HS6ST2: variants seen among roughly 807,000 people sequenced by gnomAD.
HS6ST2 encodes heparan sulfate 6-O-sulfotransferase 2.
A neutral mutation model predicts 33.0 loss-of-function variants in HS6ST2; 17 were observed. The ratio of observed to expected loss-of-function variants is 0.52; its 90% CI spans 0.35 to 0.77. The LOEUF is 0.77. Among genes scored for constraint, HS6ST2 ranks in the 30% least tolerant of loss-of-function variants. HS6ST2 has a pLI of 0.01. For missense variants in HS6ST2, 519 were observed against 551.7 expected (o/e 0.94, Z 0.59); for synonymous variants, 248 against 237.1 (o/e 1.05, Z -0.42).
intron 2 of HS6ST2, among the ~76,000 whole-genome samples, chrX:132,900,689 T>C (rs1386837616): frequency 9.0e-6 from 1 of 111,500 alleles, no homozygotes; most frequent in Non-Finnish European, 1.9e-5. Flanking sequence ...ATGAATAATA[T>C]ACCATCTAAA....
At chrX:132,948,914 A>C (rs2066982068) in intron 2 of HS6ST2, among the ~76,000 whole-genome samples, 1 of 111,945 alleles carries the variant, frequency 8.9e-6, no homozygotes, top group Non-Finnish European at 1.9e-5. Flanking sequence ...TGTCAAAACA[A>C]CTTGTACCTA....
intron 2 of HS6ST2, among the ~76,000 whole-genome samples, chrX:132,783,698 C>T (rs1311313802): frequency 9.0e-6 from 1 of 111,159 alleles, no homozygotes; most frequent in African/African-American, 3.3e-5. Context: ...ACTCTAGGAA[C>T]CCCTCCCTCA....
At chrX:132,785,803 C>A (rs757906807) in intron 2 of HS6ST2, among the ~76,000 whole-genome samples, 2 of 111,672 alleles carry the variant, frequency 1.8e-5, no homozygotes, top group South Asian at 7.6e-4. Context: ...TCATTCTCAT[C>A]CTTGCAATTA....
intron 4 of HS6ST2, among the ~76,000 whole-genome samples, chrX:132,636,857 C>G (rs1240645382): frequency 8.9e-6 from 1 of 112,046 alleles, no homozygotes; most frequent in African/African-American, 3.3e-5. Context: ...AACTACATAG[C>G]CAGGAACTGG....
At chrX:132,899,812 C>T (rs1602841215) in intron 2 of HS6ST2, among the ~76,000 whole-genome samples, 1 of 111,587 alleles carries the variant, frequency 9.0e-6, no homozygotes, top group East Asian at 2.8e-4. Context: ...TATCTAAGTA[C>T]TGAAAAAATG....
At chrX:132,831,815 A>G (rs1190313130) in intron 2 of HS6ST2, among the ~76,000 whole-genome samples, 1 of 112,249 alleles carries the variant, frequency 8.9e-6, no homozygotes, top group Non-Finnish European at 1.9e-5. Context: ...CCAAAGTAGA[A>G]CAAGGCAGCT....
chrX:132,931,277 C>T, intron 2 of HS6ST2, among the ~76,000 whole-genome samples: 1 of 111,361 alleles, frequency 9.0e-6, no homozygotes, highest in Non-Finnish European at 1.9e-5. Context: ...AGCTATGTAT[C>T]TCCCCAGGAG....
chrX:132,854,066 C>T (rs890924914), intron 2 of HS6ST2, among the ~76,000 whole-genome samples: 13 of 110,938 alleles, frequency 1.2e-4, no homozygotes, highest in Non-Finnish European at 2.5e-4. Flanking sequence ...ACAAATACCC[C>T]AAAACCATAT....
chrX:132,855,503 ATATT>A (rs1172042965), intron 2 of HS6ST2, among the ~76,000 whole-genome samples: 1 of 112,393 alleles, frequency 8.9e-6, no homozygotes, highest in Non-Finnish European at 1.9e-5. Context: ...TATGGCACAA[ATATT>A]TGTTTAACAA....
chrX:132,668,995 G>T, intron 4 of HS6ST2, 118 bp downstream of exon 4: 2 of 474,046 alleles, frequency 4.2e-6, no homozygotes, highest in Non-Finnish European at 3.7e-6. Flanking sequence ...CCAGTGGGAG[G>T]CACACAGAAG....
chrX:132,697,271 T>C (rs943465196), intron 3 of HS6ST2, among the ~76,000 whole-genome samples: 3 of 111,849 alleles, frequency 2.7e-5, no homozygotes, highest in African/African-American at 9.7e-5. Flanking sequence ...ACATTAATCC[T>C]CTGTTCAGTG....
chrX:132,801,181 G>C (rs1411331484), intron 2 of HS6ST2, among the ~76,000 whole-genome samples: 3 of 110,957 alleles, frequency 2.7e-5, no homozygotes, highest in Non-Finnish European at 5.7e-5. Context: ...TGCCTCCTGG[G>C]AGAAATTCAC....
At chrX:132,828,693 T>TACACACACACACAC (rs779585327) in intron 2 of HS6ST2, among the ~76,000 whole-genome samples, 1 of 72,938 alleles carries the variant, frequency 1.4e-5, no homozygotes, top group Non-Finnish European at 2.5e-5. Flanking sequence ...TATATATATA[T>TACACACACACACAC]ACACACACAC....
chrX:132,693,524 T>C (rs1237299606), intron 3 of HS6ST2, among the ~76,000 whole-genome samples: 3 of 111,343 alleles, frequency 2.7e-5, no homozygotes, highest in Non-Finnish European at 5.7e-5. Context: ...ATTCCTACAG[T>C]GGTGTTTTGA....
intron 2 of HS6ST2, among the ~76,000 whole-genome samples, chrX:132,901,045 ACAGTCAGTGATGAACTGAGGCCTT>A (rs1266364691): frequency 1.8e-5 from 2 of 112,293 alleles, no homozygotes; most frequent in African/African-American, 6.5e-5. Flanking sequence ...TTTCCAGCTG[ACAGTCAGTGATGAACTGAGGCCTT>A]CAGTCCAACA....
At chrX:132,677,062 G>A (rs1208916316) in intron 3 of HS6ST2, among the ~76,000 whole-genome samples, 2 of 112,079 alleles carry the variant, frequency 1.8e-5, no homozygotes, top group Non-Finnish European at 3.8e-5. Flanking sequence ...AGTTGAGCCC[G>A]AAGTTCTATT....
At chrX:132,637,930 T>A (rs1466782245) in intron 4 of HS6ST2, among the ~76,000 whole-genome samples, 2 of 71,306 alleles carry the variant, frequency 2.8e-5, no homozygotes, top group Non-Finnish European at 5.0e-5. Context: ...ATATATATAT[T>A]ATATATAATA....
intron 2 of HS6ST2, among the ~76,000 whole-genome samples, chrX:132,769,911 T>C (rs967421049): frequency 8.9e-6 from 1 of 112,098 alleles, no homozygotes; most frequent in Non-Finnish European, 1.9e-5. Flanking sequence ...AAGCTACCCT[T>C]TTGTTACTCA....
At chrX:132,900,211 A>T (rs1191618350) in intron 2 of HS6ST2, among the ~76,000 whole-genome samples, 1 of 111,622 alleles carries the variant, frequency 9.0e-6, no homozygotes, top group African/African-American at 3.3e-5. Flanking sequence ...TACACTTCTT[A>T]TTTCTTTTTC....
Sources: allele counts gnomAD v4.1 joint callset (sites outside exome capture counted in the v4.1 genomes callset), GRCh38; gene constraint gnomAD v4.1.1; transcripts MANE v1.5; gene names NCBI Gene and HGNC (gene_info 2026-07-23, HGNC 2026-07-21).